MCTP1: variants seen among roughly 807,000 people sequenced by gnomAD.
MCTP1 encodes multiple C2 and transmembrane domain-containing protein 1.
A neutral mutation model predicts 120.6 loss-of-function variants in MCTP1; 69 were observed. The ratio of observed to expected loss-of-function variants is 0.57; its 90% CI spans 0.47 to 0.70. The LOEUF is 0.70. MCTP1 is among the 30% of genes least tolerant of loss of function. MCTP1 has a pLI of 0.00. For missense variants in MCTP1, 1,203 were observed against 1,248.8 expected, an observed-to-expected ratio of 0.96 and a Z score of 0.55; for synonymous variants, 529 against 493.1, an observed-to-expected ratio of 1.07 and a Z score of -0.96.
chr5:94,806,604 C>T lies in MCTP1; in HGVS notation c.2437-7472G>A, dbSNP rs150139356. Among the ~76,000 whole-genome samples, 1,416 of 152,144 alleles carry T rather than the reference C, an allele frequency of 9.3e-3. 13 individuals are homozygous for T. The highest frequency in any genetic ancestry group is 0.026 in the South Asian group (127 of 4,804). On this transcript the variant is annotated intron_variant, in intron 17 of 22. Coordinates refer to ENST00000515393, the MANE Select transcript of MCTP1 (RefSeq NM_024717.7). ...GCCTGCATTCAATGATCATTCAGTG[C>T]GACACATGACAGTATCCCTGGGGGA...
intron 8 of MCTP1, among the ~76,000 whole-genome samples, chr5:94,914,196 T>C (rs1408870494): frequency 6.6e-6 from 1 of 152,236 alleles, no homozygotes; most frequent in Non-Finnish European, 1.5e-5. Flanking sequence ...GTTTCTTTCA[T>C]ATTATCAAAT....
chr5:95,049,234 G>A (rs1745296172), intron 1 of MCTP1, among the ~76,000 whole-genome samples: 1 of 151,984 alleles, frequency 6.6e-6, no homozygotes, highest in African/African-American at 2.4e-5. Flanking sequence ...GGCACTTCTG[G>A]GTTTCGCACT....
At chr5:95,173,053 T>C (rs1747534906) in intron 1 of MCTP1, among the ~76,000 whole-genome samples, 1 of 152,242 alleles carries the variant, frequency 6.6e-6, no homozygotes, top group Non-Finnish European at 1.5e-5. Flanking sequence ...AACTGAAAAC[T>C]ATCATGTATT....
intron 10 of MCTP1, among the ~76,000 whole-genome samples, chr5:94,907,228 A>C (rs762715303): frequency 2.0e-5 from 3 of 152,214 alleles, no homozygotes; most frequent in Non-Finnish European, 4.4e-5. Context: ...TGGATATCAA[A>C]AAGATTTGAA....
intron 1 of MCTP1, among the ~76,000 whole-genome samples, chr5:95,104,064 G>A (rs1273131989): frequency 6.6e-6 from 1 of 152,044 alleles, no homozygotes; most frequent in Non-Finnish European, 1.5e-5. Flanking sequence ...GCCTGTGATT[G>A]CCAACAGGAA....
Position 94,870,442 on chromosome 5 carries a change from T to G in MCTP1, c.2291A>C (p.Glu764Ala). ...TLIPKEQKYI[E>A]EENRLSKQLL... is the part of the protein sequence containing the mutation. The stretch of plus-strand genomic sequence containing the variant: ...CTGTTTAGAGAGTCTGTTTTCCTCT[T>G]CAATGTACTTCTGTTCTTTGGGTAT... The change falls in exon 16 of 23, where the codon GAA (glutamate) becomes GCA (alanine). Residue 764 changes from glutamate to alanine, a missense_variant. Glu to Ala is a moderately radical substitution (Grantham distance 107). Transcript: ENST00000515393. 1 of 1,612,138 alleles carries G rather than the reference T, an allele frequency of 6.2e-7. No homozygotes were observed. The highest frequency in any genetic ancestry group is 8.5e-7 in the Non-Finnish European group (1 of 1,178,454).
chr5:94,746,038 T>C (rs1190835318), intron 19 of MCTP1, among the ~76,000 whole-genome samples: 1 of 152,218 alleles, frequency 6.6e-6, no homozygotes, highest in Non-Finnish European at 1.5e-5. Context: ...TCCTATGTTA[T>C]CAAGAAAGTA....
intron 1 of MCTP1, among the ~76,000 whole-genome samples, chr5:95,220,348 T>A (rs1753547825): frequency 6.6e-6 from 1 of 152,022 alleles, no homozygotes; most frequent in South Asian, 2.1e-4. Context: ...TTTTTTTTTT[T>A]TACAAAGAAT....
chr5:94,707,798 T>C (rs1755083142), intron 22 of MCTP1, among the ~76,000 whole-genome samples: 2 of 151,964 alleles, frequency 1.3e-5, no homozygotes, highest in Non-Finnish European at 2.9e-5. Context: ...TGGTATTCAC[T>C]GTCTATAACA....
intron 10 of MCTP1, among the ~76,000 whole-genome samples, chr5:94,895,988 T>C (rs1402352405): frequency 6.6e-6 from 1 of 152,162 alleles, no homozygotes; most frequent in Non-Finnish European, 1.5e-5. Context: ...ATTGAGAGAT[T>C]ACAGTCTGTA....
chr5:95,132,168 A>T (rs573336827), intron 1 of MCTP1, among the ~76,000 whole-genome samples: 1 of 152,226 alleles, frequency 6.6e-6, no homozygotes, highest in Non-Finnish European at 1.5e-5. Context: ...ACAGCAAAAA[A>T]TCTCTCATTA....
chr5:95,119,553 G>A (rs551174820), intron 1 of MCTP1, among the ~76,000 whole-genome samples: 8 of 151,974 alleles, frequency 5.3e-5, no homozygotes, highest in South Asian at 2.1e-4. Flanking sequence ...AGTTTGAAAC[G>A]AAGAAAACAA....
At chr5:94,736,209 C>T (rs996156126) in intron 19 of MCTP1, among the ~76,000 whole-genome samples, 3 of 152,196 alleles carry the variant, frequency 2.0e-5, no homozygotes, top group Non-Finnish European at 2.9e-5. Flanking sequence ...ATTTGATCTT[C>T]TGGGTGCAGT....
chr5:95,111,521 A>G (rs2152388911), intron 1 of MCTP1, among the ~76,000 whole-genome samples: 1 of 152,308 alleles, frequency 6.6e-6, no homozygotes, highest in Non-Finnish European at 1.5e-5. Context: ...GTTGACCTCA[A>G]GTGTTGCTTA....
chr5:95,134,507 C>A (rs765585569), intron 1 of MCTP1, among the ~76,000 whole-genome samples: 1 of 152,184 alleles, frequency 6.6e-6, no homozygotes. Flanking sequence ...TTCAGTCACT[C>A]GTGCAGCTGC....
chr5:94,944,230 C>T (rs1818407075), intron 3 of MCTP1, among the ~76,000 whole-genome samples: 1 of 152,032 alleles, frequency 6.6e-6, no homozygotes, highest in African/African-American at 2.4e-5. Flanking sequence ...ATTCAATTTG[C>T]AGTCATTTGA....
intron 1 of MCTP1, among the ~76,000 whole-genome samples, chr5:95,069,700 C>CTTTT (rs35136173): frequency 2.9e-5 from 4 of 138,218 alleles, no homozygotes; most frequent in Non-Finnish European, 4.6e-5. Context: ...CCCTTCTGCC[C>CTTTT]TTTTTTTTTT....
intron 1 of MCTP1, among the ~76,000 whole-genome samples, chr5:95,224,805 C>G (rs1292428742): frequency 6.6e-6 from 1 of 152,168 alleles, no homozygotes; most frequent in East Asian, 1.9e-4. Context: ...GCCACCACAC[C>G]CAGCCTAGGC....
rs1298125684 is a variant in MCTP1 at position 94,729,507 on chromosome 5, G to GT, written c.2611-14622dup. On this transcript the variant is annotated intron_variant, in intron 19 of 22. Coordinates refer to ENST00000515393, the MANE Select transcript of MCTP1 (RefSeq NM_024717.7). The stretch of plus-strand genomic sequence containing the variant: ...GAGAATGAGAGAAGAGAATTGTCCT[G>GT]TTTTCTTCCTTCTTCCCTTTTCCCA... Among the ~76,000 whole-genome samples, 5 of 152,250 alleles carry GT rather than the reference G, an allele frequency of 3.3e-5. No homozygotes were observed. The South Asian group carries it at 6.2e-4, about 19-fold the overall frequency.
Sources: allele counts gnomAD v4.1 joint callset (sites outside exome capture counted in the v4.1 genomes callset), GRCh38; gene constraint gnomAD v4.1.1; transcripts MANE v1.5; gene names NCBI Gene and HGNC (gene_info 2026-07-23, HGNC 2026-07-21).